The following PAMR1 variants were observed in gnomAD, a reference collection of about 807,000 sequenced individuals.
PAMR1 encodes peptidase domain containing associated with muscle regeneration 1.
In PAMR1, 88 loss-of-function variants were observed where a neutral mutation model predicts 81.8. The observed-to-expected ratio is 1.08, with a 90% CI of 0.91 to 1.28. The LOEUF is 1.28. Among genes scored for constraint, PAMR1 ranks in the 50% most tolerant of loss-of-function variants. PAMR1 has a pLI of 0.00. For synonymous variants in PAMR1, 336 were observed against 345.3 expected (o/e 0.97, Z 0.30); for missense variants, 935 against 919.7 (o/e 1.02, Z -0.21).
In PAMR1 at chr11:35,508,516, A is replaced by ATTTT. The variant is rs59836040; in HGVS notation, c.74-14248_74-14245dup. ...CACCATTTTGGAAGCAGGAACCTCC[A>ATTTT]TTTTTTTTTTTTTTTTTTTTTTTTT... On this transcript the variant is annotated intron_variant, in intron 1 of 10. Coordinates refer to ENST00000619888, the MANE Select transcript of PAMR1 (RefSeq NM_001001991.3). 4.9e-3 allele frequency among the ~76,000 whole-genome samples: 481 copies of ATTTT among 97,798 alleles called. 4 individuals carry two copies. Among genetic ancestry groups the ATTTT allele is most frequent in the South Asian group, 9.5e-3 (26 of 2,726 alleles). 64.2% of individuals were successfully genotyped at this position (97,798 alleles called of 152,430 possible).
intron 6 of PAMR1, among the ~76,000 whole-genome samples, chr11:35,444,309 A>T (rs546836403): frequency 6.6e-6 from 1 of 152,032 alleles, no homozygotes; most frequent in Non-Finnish European, 1.5e-5. Flanking sequence ...GTTCACTCTG[A>T]TGATAGTTTA....
Position 35,432,089 on chromosome 11 carries a change from A to ATCTC in PAMR1, c.*266_*267insGAGA. ...AGACCACCAGGTCAGTGGAGTGGAGAGGTTTTGTATATGGTCTTCTTTGAA... is the reference window on the plus strand; with the variant it reads ...AGACCACCAGGTCAGTGGAGTGGAGATCTCGGTTTTGTATATGGTCTTCTTTGAA... On this transcript the variant is annotated 3_prime_UTR_variant, in exon 11 of 11. Coordinates refer to ENST00000619888, the MANE Select transcript of PAMR1 (RefSeq NM_001001991.3). The ATCTC allele has an allele frequency of 2.3e-6, 1 of 442,044 alleles. No homozygotes were observed. The highest frequency in any genetic ancestry group is 4.1e-6 in the Non-Finnish European group (1 of 245,980). 27.4% of individuals were successfully genotyped at this position (442,044 alleles called of 1,614,324 possible). A position where few individuals can be genotyped will look rare whatever the true frequency, so the allele number is the denominator to read the frequency against.
intron 3 of PAMR1, among the ~76,000 whole-genome samples, chr11:35,476,688 C>T (rs1364059573): frequency 6.6e-6 from 1 of 152,158 alleles, no homozygotes; most frequent in Non-Finnish European, 1.5e-5. Flanking sequence ...GTCCACCTAG[C>T]ATCCAAAGCC....
intron 9 of PAMR1, among the ~76,000 whole-genome samples, chr11:35,435,203 T>C (rs186269812): frequency 6.6e-6 from 1 of 152,288 alleles, no homozygotes; most frequent in Non-Finnish European, 1.5e-5. Flanking sequence ...ACTATCCTCA[T>C]AGTCATGACC....
chr11:35,513,527 C>G (rs1474226247), intron 1 of PAMR1: 2 of 152,198 alleles, frequency 1.3e-5, no homozygotes, highest in Non-Finnish European at 2.9e-5. Flanking sequence ...TGCTCTGAGC[C>G]AGAAACCATG....
chr11:35,435,488 A>T (rs1360189757), intron 9 of PAMR1, among the ~76,000 whole-genome samples: 1 of 152,160 alleles, frequency 6.6e-6, no homozygotes, highest in Non-Finnish European at 1.5e-5. Context: ...GATTACAGGC[A>T]TGAGCCACCG....
intron 1 of PAMR1, among the ~76,000 whole-genome samples, chr11:35,504,926 G>C (rs1428540984): frequency 6.6e-6 from 1 of 150,694 alleles, no homozygotes; most frequent in Non-Finnish European, 1.5e-5. Context: ...TGTTGTTCTA[G>C]TTCCCTGAGG....
intron 1 of PAMR1, among the ~76,000 whole-genome samples, chr11:35,512,123 G>C (rs918888582): frequency 3.3e-5 from 5 of 152,178 alleles, no homozygotes; most frequent in Non-Finnish European, 7.3e-5. Flanking sequence ...ACTTTCAATG[G>C]ATTTGCTAGA....
intron 1 of PAMR1, among the ~76,000 whole-genome samples, chr11:35,501,519 T>G (rs1850841795): frequency 6.6e-6 from 1 of 152,096 alleles, no homozygotes; most frequent in Admixed American, 6.5e-5. Context: ...ATATTTTCTT[T>G]ATGTTTTTAT....
chr11:35,444,543 G>T (rs1180121747), intron 6 of PAMR1, among the ~76,000 whole-genome samples: 4 of 152,058 alleles, frequency 2.6e-5, no homozygotes, highest in East Asian at 1.9e-4. Flanking sequence ...ATGGGTCCAG[G>T]TTCAATTTTC....
rs370648086 is a variant in PAMR1, at chr11:35,444,698, C to A, written c.821-3005G>T. ...GAGGTCTCTGTTCTGTTCCATTGGT[C>A]TATGTGTCTGTTTTTATACCAGTAC... On this transcript the variant is annotated intron_variant, in intron 6 of 10. Coordinates refer to ENST00000619888, the MANE Select transcript of PAMR1 (RefSeq NM_001001991.3). 2.6e-5 allele frequency among the ~76,000 whole-genome samples: 4 copies of A among 152,130 alleles called. No homozygotes were observed. The East Asian group carries it at 7.7e-4, about 29-fold the overall frequency.
Position 35,494,285 on chromosome 11 carries a change from A to T in PAMR1, c.74-13T>A. 1 of 1,611,746 alleles carries T rather than the reference A, an allele frequency of 6.2e-7. No individual in the cohort carries two copies. Among genetic ancestry groups the T allele is most frequent in the Non-Finnish European group, 8.5e-7 (1 of 1,178,552 alleles). On this transcript the variant is annotated splice_polypyrimidine_tract_variant and intron_variant, in intron 1 of 10. Coordinates refer to ENST00000619888, the MANE Select transcript of PAMR1 (RefSeq NM_001001991.3). ...ATGACTGTGTACTCTGAAATGGAAA[A>T]CCAGCAGGTGAGGCTAGGTCCTGGC... is the stretch of plus-strand genomic sequence containing the variant.
intron 4 of PAMR1, among the ~76,000 whole-genome samples, chr11:35,474,008 A>G (rs1165962336): frequency 6.6e-6 from 1 of 152,242 alleles, no homozygotes; most frequent in Non-Finnish European, 1.5e-5. Flanking sequence ...GAACTGTTCC[A>G]GCACTATGAT....
intron 1 of PAMR1, among the ~76,000 whole-genome samples, chr11:35,520,572 G>A (rs1373790095): frequency 2.6e-5 from 4 of 152,086 alleles, no homozygotes; most frequent in African/African-American, 9.7e-5. Flanking sequence ...TCTCTGCCCT[G>A]GAATTTAGGA....
At position 35,473,517 on chromosome 11, in the gene PAMR1, G is replaced by T. The variant is rs12576569; in HGVS notation, c.494+1113C>A. On this transcript the variant is annotated intron_variant, in intron 4 of 10. Coordinates refer to ENST00000619888, the MANE Select transcript of PAMR1 (RefSeq NM_001001991.3). ...TGAGCTCAATGGGCGGAACAGTGTG[G>T]TTCATCGCTTGTTCCTTGAGCCAGG... Among the ~76,000 whole-genome samples the T allele has an allele frequency of 1.8e-3, 281 of 152,246 alleles. 7 individuals carry two copies. The East Asian group carries it at 0.05, about 27-fold the overall frequency.
intron 3 of PAMR1, among the ~76,000 whole-genome samples, chr11:35,485,192 G>C (rs1375842758): frequency 6.6e-6 from 1 of 151,914 alleles, no homozygotes; most frequent in East Asian, 1.9e-4. Context: ...CTGCTTAACG[G>C]GCCAAATCTG....
chr11:35,449,203 G>C (rs1856359693), intron 6 of PAMR1, among the ~76,000 whole-genome samples: 1 of 152,154 alleles, frequency 6.6e-6, no homozygotes, highest in South Asian at 2.1e-4. Flanking sequence ...CACTCGTCTG[G>C]ACTACCAGCC....
chr11:35,438,722 C>T (rs1472878456), intron 8 of PAMR1, among the ~76,000 whole-genome samples: 2 of 152,062 alleles, frequency 1.3e-5, no homozygotes, highest in Non-Finnish European at 2.9e-5. Flanking sequence ...AACAAATAAA[C>T]CCTTAAAAAT....
chr11:35,441,660 C>A lies in PAMR1; in HGVS notation c.854G>T (p.Gly285Val), dbSNP rs372808412. The A allele has an allele frequency of 1.2e-6, 2 of 1,613,126 alleles. No individual in the cohort carries two copies. The highest frequency in any genetic ancestry group is 1.7e-6 in the Non-Finnish European group (2 of 1,179,410). ...TATTTTCTGGTACCCATTGACTGGGCCCCCAGGGTCTGAGCAGTTTCTTTC... is the reference window on the plus strand; with the variant it reads ...TATTTTCTGGTACCCATTGACTGGGACCCCAGGGTCTGAGCAGTTTCTTTC... Reference protein sequence around the residue: ...LEERNCSDPGGPVNGYQKITG... With the variant: ...LEERNCSDPGVPVNGYQKITG... Residue 285 changes from glycine (G) to valine (V), a missense_variant, in exon 7 of 11, where the codon GGC becomes GTC. Gly to Val is a moderately radical substitution (Grantham distance 109). Transcript: ENST00000619888.
Sources: allele counts gnomAD v4.1 joint callset (sites outside exome capture counted in the v4.1 genomes callset), GRCh38; gene constraint gnomAD v4.1.1; transcripts MANE v1.5; gene names NCBI Gene and HGNC (gene_info 2026-07-23, HGNC 2026-07-21).